FAM13A: variants seen among roughly 807,000 people sequenced by gnomAD.
FAM13A encodes protein FAM13A.
FAM13A carries 76 observed loss-of-function variants against 129.6 expected under a neutral mutation model. The ratio of observed to expected loss-of-function variants is 0.59; its 90% CI spans 0.49 to 0.71. The LOEUF (loss-of-function observed/expected upper bound fraction) is 0.71, where lower values mean the gene tolerates loss of function less well. Among genes scored for constraint, FAM13A ranks in the 30% least tolerant of loss-of-function variants. FAM13A has a pLI of 0.00. For synonymous variants in FAM13A, 443 were observed against 449.9 expected (o/e 0.98, Z 0.20); for missense variants, 1,108 against 1,249.3 (o/e 0.89, Z 1.70).
intron 14 of FAM13A, 112 bp downstream of exon 14, chr4:88,758,642 C>T: frequency 9.2e-7 from 1 of 1,084,744 alleles, no homozygotes; most frequent in Non-Finnish European, 1.3e-6. Flanking sequence ...GCAGTTACTT[C>T]TGCATGCATA....
chr4:89,004,836 C>T (rs1254349332), intron 3 of FAM13A, among the ~76,000 whole-genome samples: 1 of 152,064 alleles, frequency 6.6e-6, no homozygotes, highest in Non-Finnish European at 1.5e-5. Context: ...TTCCATCCCC[C>T]TAATGATTTT....
intron 4 of FAM13A, among the ~76,000 whole-genome samples, chr4:88,945,996 A>ATGTATGTG (rs1437977608): frequency 1.7e-3 from 36 of 21,510 alleles, no homozygotes; most frequent in East Asian, 0.013. Flanking sequence ...GTGTGTATAT[A>ATGTATGTG]TATATATATA....
At position 88,842,203 on chromosome 4, in the gene FAM13A, T is replaced by C. The variant is rs975058020; in HGVS notation, c.1007+8817A>G. On this transcript the variant is annotated intron_variant, in intron 7 of 23. Transcript: ENST00000264344. ...TCTATTTATATAAAATGTGCAAGAGTTAGAGGGAATTTCATAGACAAGAAG... is the reference window on the plus strand; with the variant it reads ...TCTATTTATATAAAATGTGCAAGAGCTAGAGGGAATTTCATAGACAAGAAG... 5.3e-5 allele frequency among the ~76,000 whole-genome samples: 8 copies of C among 151,764 alleles called. No individual in the cohort carries two copies. In the South Asian group the frequency reaches 1.7e-3, roughly 32 times the overall value.
At chr4:88,738,388 G>T (rs1049722321) in intron 20 of FAM13A, among the ~76,000 whole-genome samples, 8 of 152,154 alleles carry the variant, frequency 5.3e-5, no homozygotes, top group Non-Finnish European at 8.8e-5. Flanking sequence ...CTGGGATGAG[G>T]GATGGGAGCA....
intron 6 of FAM13A, among the ~76,000 whole-genome samples, chr4:88,893,675 G>A (rs1745790634): frequency 7.5e-6 from 1 of 132,856 alleles, no homozygotes; most frequent in African/African-American, 2.7e-5. Context: ...TAAATAAGCC[G>A]GGCGTGGTGG....
intron 3 of FAM13A, among the ~76,000 whole-genome samples, chr4:89,007,114 T>C (rs1765147655): frequency 6.6e-6 from 1 of 152,230 alleles, no homozygotes; most frequent in South Asian, 2.1e-4. Context: ...CTTGTCCGTA[T>C]CATTATCTCC....
At chr4:88,765,787 C>T (rs919364634) in intron 13 of FAM13A, among the ~76,000 whole-genome samples, 1 of 152,182 alleles carries the variant, frequency 6.6e-6, no homozygotes, top group African/African-American at 2.4e-5. Flanking sequence ...AGAGCTTAGT[C>T]TAGATTTTAG....
At chr4:88,822,979 T>C (rs1732318380) in intron 7 of FAM13A, 1 of 1,613,260 alleles carries the variant, frequency 6.2e-7, no homozygotes, top group South Asian at 1.1e-5. Context: ...ATACTACCTT[T>C]GCAGAGGCAT....
At chr4:88,987,484 CAACTT>C (rs1468104804) in intron 4 of FAM13A, among the ~76,000 whole-genome samples, 1 of 152,112 alleles carries the variant, frequency 6.6e-6, no homozygotes, top group African/African-American at 2.4e-5. Context: ...AAGTGTGAGA[CAACTT>C]AACATTACAT....
At chr4:88,962,717 G>T (rs1027292757) in intron 4 of FAM13A, among the ~76,000 whole-genome samples, 3 of 152,138 alleles carry the variant, frequency 2.0e-5, no homozygotes, top group African/African-American at 7.2e-5. Context: ...TTTGTGGGAT[G>T]TGCACCACTC....
rs148187225 is a variant in FAM13A, at chr4:88,869,771, C to A, written c.844-18588G>T. On this transcript the variant is annotated intron_variant, in intron 6 of 23. Transcript: ENST00000264344. Reference sequence around the variant, plus strand: ...AGTTCAATACCTGGCATGTGATAGACAATTATGTATTCTGAAAAAAATAAT... The same window carrying A: ...AGTTCAATACCTGGCATGTGATAGAAAATTATGTATTCTGAAAAAAATAAT... 1.9e-3 allele frequency among the ~76,000 whole-genome samples: 282 copies of A among 152,156 alleles called. 4 individuals are homozygous for A. The highest frequency in any genetic ancestry group is 0.016 in the Admixed American group (247 of 15,274).
intron 4 of FAM13A, among the ~76,000 whole-genome samples, chr4:88,984,947 A>T (rs1762059871): frequency 6.6e-6 from 1 of 152,182 alleles, no homozygotes; most frequent in Non-Finnish European, 1.5e-5. Flanking sequence ...TATATACCCA[A>T]GAGAAATGAA....
chr4:89,018,798 C>G (rs1336545043), intron 3 of FAM13A, among the ~76,000 whole-genome samples: 1 of 152,226 alleles, frequency 6.6e-6, no homozygotes, highest in African/African-American at 2.4e-5. Context: ...TTTGAAGAGT[C>G]TAAAACTCGT....
chr4:88,850,731 T>C (rs1430165442), intron 7 of FAM13A, among the ~76,000 whole-genome samples: 1 of 152,178 alleles, frequency 6.6e-6, no homozygotes, highest in Non-Finnish European at 1.5e-5. Context: ...GAACATGCTA[T>C]GAAAAAGCAT....
chr4:88,740,125 C>T (rs1272232645), intron 19 of FAM13A, among the ~76,000 whole-genome samples: 1 of 152,162 alleles, frequency 6.6e-6, no homozygotes, highest in Non-Finnish European at 1.5e-5. Context: ...TGTCCAATTC[C>T]CTCTACCCTG....
chr4:88,846,432 C>T (rs1265739666), intron 7 of FAM13A, among the ~76,000 whole-genome samples: 1 of 152,222 alleles, frequency 6.6e-6, no homozygotes. Context: ...CCTCTCCCTC[C>T]TTAGGAATCA....
intron 19 of FAM13A, among the ~76,000 whole-genome samples, chr4:88,739,889 T>C (rs1739868701): frequency 6.6e-6 from 1 of 151,912 alleles, no homozygotes; most frequent in Non-Finnish European, 1.5e-5. Context: ...AAACAGTGGG[T>C]ATTCAAGGAA....
chr4:88,964,424 T>TA (rs1348221687), intron 4 of FAM13A, among the ~76,000 whole-genome samples: 2 of 152,040 alleles, frequency 1.3e-5, no homozygotes, highest in African/African-American at 4.8e-5. Context: ...GTTTTGGGAT[T>TA]AAAAAAATAT....
At chr4:88,842,603 C>A (rs1300892077) in intron 7 of FAM13A, among the ~76,000 whole-genome samples, 1 of 152,222 alleles carries the variant, frequency 6.6e-6, no homozygotes, top group African/African-American at 2.4e-5. Context: ...CCCCTCAGGG[C>A]CCAGCGCATA....
Sources: allele counts gnomAD v4.1 joint callset (sites outside exome capture counted in the v4.1 genomes callset), GRCh38; gene constraint gnomAD v4.1.1; transcripts MANE v1.5; gene names NCBI Gene and HGNC (gene_info 2026-07-23, HGNC 2026-07-21).